FBXO31: variants seen among roughly 807,000 people sequenced by gnomAD.
FBXO31 encodes F-box only protein 31.
Under a neutral mutation model 54.4 loss-of-function variants are expected in FBXO31, and 24 were observed. The ratio of observed to expected loss-of-function variants is 0.44; its 90% confidence interval spans 0.32 to 0.62. FBXO31 has a LOEUF of 0.62. Ranked by LOEUF, FBXO31 falls within the 20% of genes least tolerant of loss-of-function variation. The pLI is 0.05. For missense variants in FBXO31, 665 were observed against 787.1 expected (o/e 0.84, Z 1.86); for synonymous variants, 388 against 335.6 (o/e 1.16, Z -1.71).
intron 2 of FBXO31, among the ~76,000 whole-genome samples, chr16:87,355,262 C>T (rs1377367358): frequency 1.3e-5 from 2 of 152,204 alleles, no homozygotes; most frequent in African/African-American, 2.4e-5. Context: ...GACCAGTTAA[C>T]GGCCCACGTG....
chr16:87,341,691 A>G (rs1905201528), intron 5 of FBXO31, among the ~76,000 whole-genome samples: 1 of 151,226 alleles, frequency 6.6e-6, no homozygotes. Flanking sequence ...ATTGAACCAC[A>G]GCAATCACAC....
chr16:87,349,164 A>G (rs1357562577), intron 2 of FBXO31, among the ~76,000 whole-genome samples: 2 of 152,244 alleles, frequency 1.3e-5, no homozygotes, highest in Non-Finnish European at 2.9e-5. Flanking sequence ...CACAGGTTTT[A>G]AAAAATAATT....
chr16:87,364,102 T>C (rs757409772), intron 1 of FBXO31, among the ~76,000 whole-genome samples: 2 of 152,212 alleles, frequency 1.3e-5, no homozygotes, highest in Non-Finnish European at 2.9e-5. Flanking sequence ...GTTATGTTGA[T>C]ACAACACAAT....
At chr16:87,333,774 C>CGCCCTCTGTGAGGTCACAG (rs61030029) in intron 8 of FBXO31, 112 bp downstream of exon 8, 19,224 of 1,470,992 alleles carry the variant, frequency 0.013, 177 homozygotes, top group Non-Finnish European at 0.016. Context: ...CACCGGCTGC[C>CGCCCTCTGTGAGGTCACAG]GCCCTCTGTG....
rs1224759329 is a variant in FBXO31 at position 87,327,245 on chromosome 16, C to G, written c.*4043G>C. The G allele has an allele frequency of 6.5e-6, 1 of 152,780 alleles. No individual in the cohort carries two copies. Among genetic ancestry groups the G allele is most frequent in the Non-Finnish European group, 1.5e-5 (1 of 68,484 alleles). 9.5% of individuals were successfully genotyped at this position (152,780 alleles called of 1,614,324 possible). A position where few individuals can be genotyped will look rare whatever the true frequency, so the allele number is the denominator to read the frequency against. ...CAGGCCAAAACCCACACAGCCCTGA[C>G]CCCCTCGTGCTCTGGCTGGTCTCCC... On this transcript the variant is annotated 3_prime_UTR_variant, in exon 9 of 9. Coordinates refer to ENST00000311635, the MANE Select transcript of FBXO31 (RefSeq NM_024735.5).
At chr16:87,371,147 C>T (rs1482537702) in intron 1 of FBXO31, among the ~76,000 whole-genome samples, 2 of 152,200 alleles carry the variant, frequency 1.3e-5, no homozygotes, top group Non-Finnish European at 2.9e-5. Flanking sequence ...GGGCGCAGCC[C>T]CCAGGCATCT....
chr16:87,343,938 G>C (rs1441706022), intron 3 of FBXO31, among the ~76,000 whole-genome samples, 173 bp from the exon 4 acceptor site: 1 of 152,254 alleles, frequency 6.6e-6, no homozygotes, highest in East Asian at 1.9e-4. Flanking sequence ...TTCCAGCTCT[G>C]AGATGCAGGT....
intron 2 of FBXO31, among the ~76,000 whole-genome samples, chr16:87,356,363 G>A (rs1905891937): frequency 6.6e-6 from 1 of 152,176 alleles, no homozygotes; most frequent in Admixed American, 6.5e-5. Context: ...CTGCTCAGAG[G>A]AAGGGCTGGT....
At chr16:87,354,605 GCCAGGCAA>G (rs1463295034) in intron 2 of FBXO31, among the ~76,000 whole-genome samples, 3 of 152,082 alleles carry the variant, frequency 2.0e-5, no homozygotes, top group Non-Finnish European at 4.4e-5. Flanking sequence ...TATCCAGAGT[GCCAGGCAA>G]CCTCATGCAC....
Position 87,335,343 on chromosome 16 carries a change from G to C in FBXO31, c.957C>G (p.Leu319=), listed in dbSNP as rs1471986484. Residue 319 remains leucine, a synonymous_variant, in exon 7 of 9, where the codon CTC becomes CTG. Coordinates refer to ENST00000311635, the MANE Select transcript of FBXO31 (RefSeq NM_024735.5). The surrounding 1 kb of genome is among the most constrained non-coding windows in gnomAD (Gnocchi z 5.7). The part of the protein sequence containing the change: ...YGSHGLEIVM[L]SFHGRRARGT... ...CCCTGGCACGCCGGCCGTGGAAGCTGAGCATCACAATCTCCAGGCCGTGGC... is the reference window on the plus strand; with the variant it reads ...CCCTGGCACGCCGGCCGTGGAAGCTCAGCATCACAATCTCCAGGCCGTGGC... 6.2e-7 allele frequency: 1 copy of C among 1,614,016 alleles called. No individual in the cohort carries two copies. The highest frequency in any genetic ancestry group is 1.7e-5 in the Admixed American group (1 of 60,028).
chr16:87,342,070 T>C (rs1017369415), intron 5 of FBXO31, among the ~76,000 whole-genome samples: 14 of 152,168 alleles, frequency 9.2e-5, no homozygotes, highest in Admixed American at 2.0e-4. Context: ...GGCTAATTTT[T>C]TGTTTTTCCT....
intron 5 of FBXO31, among the ~76,000 whole-genome samples, chr16:87,341,510 G>T (rs1258921352): frequency 6.6e-6 from 1 of 151,964 alleles, no homozygotes; most frequent in Admixed American, 6.6e-5. Flanking sequence ...ACAAAAATTA[G>T]CCAGGCATGG....
intron 1 of FBXO31, among the ~76,000 whole-genome samples, chr16:87,361,600 T>C (rs949409959): frequency 1.3e-5 from 2 of 152,212 alleles, no homozygotes; most frequent in Non-Finnish European, 2.9e-5. Flanking sequence ...GTCGATACGA[T>C]GCGGTCAGGC....
chr16:87,351,136 C>T (rs1185771230), intron 2 of FBXO31, among the ~76,000 whole-genome samples: 1 of 152,212 alleles, frequency 6.6e-6, no homozygotes, highest in Non-Finnish European at 1.5e-5. Context: ...CGTGGAATCG[C>T]AAAGCCTGTG....
At chr16:87,334,392 C>G in intron 7 of FBXO31, 106 bp from the exon 8 acceptor site, 1 of 1,059,890 alleles carries the variant, frequency 9.4e-7, no homozygotes, top group Non-Finnish European at 1.4e-6. Context: ...CTGGCACCAG[C>G]CCTCCTACTG....
At position 87,339,812 on chromosome 16, in the gene FBXO31, C is replaced by T. The variant is rs146819759; in HGVS notation, c.732+3065G>A. On this transcript the variant is annotated intron_variant, in intron 5 of 8. Transcript: ENST00000311635. ...ATAAACAAGATGAGCCGGGAACATT[C>T]CAAAATAGAAGAGGAATACAGGCAA... Among the ~76,000 whole-genome samples the T allele has an allele frequency of 3.1e-3, 471 of 152,318 alleles. 4 individuals carry two copies. Among genetic ancestry groups the T allele is most frequent in the African/African-American group, 0.011 (464 of 41,580 alleles).
chr16:87,334,908 G>A (rs1904995897), intron 7 of FBXO31, among the ~76,000 whole-genome samples: 1 of 152,216 alleles, frequency 6.6e-6, no homozygotes, highest in Non-Finnish European at 1.5e-5. Flanking sequence ...GACAGGGTGG[G>A]AGCTGTCTGC....
intron 5 of FBXO31, among the ~76,000 whole-genome samples, chr16:87,340,569 C>T (rs753618771): frequency 1.7e-4 from 26 of 152,208 alleles, no homozygotes; most frequent in African/African-American, 6.3e-4. Flanking sequence ...AAAGCATGAG[C>T]TCATTTGTAA....
rs1235505126 is a variant in FBXO31, at chr16:87,338,344, C to T, written c.733-2080G>A. ...TGTACTCGCGACCCTCGTGGCAGCGCCGGCAGAGGGGGCTGAGGGTGACAA... is the reference window on the plus strand; with the variant it reads ...TGTACTCGCGACCCTCGTGGCAGCGTCGGCAGAGGGGGCTGAGGGTGACAA... On this transcript the variant is annotated intron_variant, in intron 5 of 8. Coordinates refer to ENST00000311635, the MANE Select transcript of FBXO31 (RefSeq NM_024735.5). The surrounding 1 kb of genome is among the most constrained non-coding windows in gnomAD (Gnocchi z 4.3). 6.6e-6 allele frequency among the ~76,000 whole-genome samples: 1 copy of T among 152,118 alleles called. No individual in the cohort carries two copies. Among genetic ancestry groups the T allele is most frequent in the East Asian group, 1.9e-4 (1 of 5,194 alleles).
Sources: allele counts gnomAD v4.1 joint callset (sites outside exome capture counted in the v4.1 genomes callset), GRCh38; gene constraint gnomAD v4.1.1; non-coding constraint Gnocchi (gnomAD v3.1); transcripts MANE v1.5; gene names NCBI Gene and HGNC (gene_info 2026-07-23, HGNC 2026-07-21).